ADAMTS17: variants seen among roughly 807,000 people sequenced by gnomAD.
ADAMTS17 encodes ADAM metallopeptidase with thrombospondin type 1 motif 17.
A neutral mutation model predicts 141.5 loss-of-function variants in ADAMTS17; 113 were observed. That is an observed-to-expected ratio of 0.80 (90% confidence interval 0.69 to 0.93). ADAMTS17 has a LOEUF of 0.93. ADAMTS17 is among the 40% of genes least tolerant of loss of function. ADAMTS17 has a pLI of 0.00. For missense variants in ADAMTS17, 1,659 were observed against 1,517.9 expected (o/e 1.09, Z -1.54); for synonymous variants, 768 against 630.6 (o/e 1.22, Z -3.27).
intron 7 of ADAMTS17, among the ~76,000 whole-genome samples, chr15:100,218,837 T>G (rs952672721): frequency 1.3e-5 from 2 of 152,122 alleles, no homozygotes; most frequent in African/African-American, 4.8e-5. Flanking sequence ...TACGCATCAC[T>G]GAAAGATAAG....
intron 15 of ADAMTS17, among the ~76,000 whole-genome samples, chr15:100,054,361 G>A (rs958916665): frequency 2.6e-5 from 4 of 152,228 alleles, no homozygotes; most frequent in African/African-American, 9.6e-5. Context: ...TGGAGGGGCA[G>A]GGAATGGAGA....
intron 7 of ADAMTS17, among the ~76,000 whole-genome samples, chr15:100,230,630 A>G (rs973462916): frequency 2.0e-5 from 3 of 152,216 alleles, no homozygotes; most frequent in African/African-American, 7.2e-5. Context: ...CTGGGTTGAG[A>G]TGGGAGTGAC....
chr15:100,295,213 T>C (rs1038490741), intron 3 of ADAMTS17, among the ~76,000 whole-genome samples: 3 of 152,196 alleles, frequency 2.0e-5, no homozygotes, highest in Admixed American at 6.5e-5. Flanking sequence ...CCTTGAAGTT[T>C]TACTGAACAG....
At position 99,997,196 on chromosome 15, in the gene ADAMTS17, G is replaced by A. The variant is rs1208720870; in HGVS notation, c.2796+189C>T. ...TGGTGTTGACATGTACATCATCAGA[G>A]ACATGGTATCTATGTTTCCGCAGCC... On this transcript the variant is annotated intron_variant, in intron 19 of 21. Transcript: ENST00000268070. This position sits in a 1 kb window ranked among gnomAD's most constrained non-coding sequence, Gnocchi z 4.7. Among the ~76,000 whole-genome samples, 1 of 152,252 alleles carries A rather than the reference G, an allele frequency of 6.6e-6. No individual in the cohort carries two copies. The highest frequency in any genetic ancestry group is 2.4e-5 in the African/African-American group (1 of 41,468).
At chr15:100,177,459 CT>C (rs1201000968) in intron 8 of ADAMTS17, among the ~76,000 whole-genome samples, 2 of 152,062 alleles carry the variant, frequency 1.3e-5, no homozygotes, top group African/African-American at 4.8e-5. Context: ...TTCCTGTTGT[CT>C]TTTTGTTATT....
intron 15 of ADAMTS17, among the ~76,000 whole-genome samples, chr15:100,094,274 A>G (rs1319834055): frequency 6.6e-6 from 1 of 152,256 alleles, no homozygotes; most frequent in Non-Finnish European, 1.5e-5. Context: ...CAGCTACCCA[A>G]GGAGGCTTCC....
At chr15:100,095,601 G>A (rs1211589951) in intron 15 of ADAMTS17, among the ~76,000 whole-genome samples, 1 of 152,162 alleles carries the variant, frequency 6.6e-6, no homozygotes, top group African/African-American at 2.4e-5. Flanking sequence ...GGGGGTGAGT[G>A]CACACTCGCT....
chr15:100,023,803 T>C (rs1168006444), intron 18 of ADAMTS17, among the ~76,000 whole-genome samples: 2 of 152,246 alleles, frequency 1.3e-5, no homozygotes, highest in Non-Finnish European at 2.9e-5. Context: ...AAATGATCTT[T>C]GCGCTGATCT....
intron 12 of ADAMTS17, among the ~76,000 whole-genome samples, chr15:100,120,139 T>A (rs1001225243): frequency 2.0e-5 from 3 of 152,204 alleles, no homozygotes; most frequent in African/African-American, 7.2e-5. Context: ...GGAAGAGAGC[T>A]GAGGAGGAAG....
Position 100,050,215 on chromosome 15 carries a change from G to C in ADAMTS17, c.2456-1223C>G, listed in dbSNP as rs190177237. Among the ~76,000 whole-genome samples, 376 of 152,328 alleles carry C rather than the reference G, an allele frequency of 2.5e-3. 5 individuals carry two copies. The highest frequency in any genetic ancestry group is 1.2e-3 in the Non-Finnish European group (82 of 68,030). ...TGTGTTAGGAAGCTGGAAGTCATCA[G>C]TGTCATAAAAGGATTGCCACCAAGC... On this transcript the variant is annotated intron_variant, in intron 17 of 21. Coordinates refer to ENST00000268070, the MANE Select transcript of ADAMTS17 (RefSeq NM_139057.4).
intron 10 of ADAMTS17, among the ~76,000 whole-genome samples, chr15:100,136,473 G>A (rs1346356593): frequency 6.6e-6 from 1 of 152,170 alleles, no homozygotes; most frequent in Non-Finnish European, 1.5e-5. Context: ...CTACACGAAT[G>A]CTTGTCATCA....
chr15:100,291,594 A>G lies in ADAMTS17; in HGVS notation c.617-10193T>C, dbSNP rs187161767. Among the ~76,000 whole-genome samples the G allele has an allele frequency of 2.0e-4, 31 of 152,314 alleles. No homozygotes were observed. The East Asian group carries it at 5.8e-3, about 28-fold the overall frequency. ...TAGCAAAAACCTGGAATCAATCTAG[A>G]TGCCTATCAATGGTAGACTGGTAAA... On this transcript the variant is annotated intron_variant, in intron 3 of 21. Coordinates refer to ENST00000268070, the MANE Select transcript of ADAMTS17 (RefSeq NM_139057.4).
intron 15 of ADAMTS17, among the ~76,000 whole-genome samples, chr15:100,059,756 G>A (rs1396427238): frequency 2.0e-4 from 30 of 152,194 alleles, no homozygotes; most frequent in Admixed American, 2.0e-3. Flanking sequence ...TTGCTCTCCT[G>A]CCTTGCGTTA....
intron 15 of ADAMTS17, among the ~76,000 whole-genome samples, chr15:100,058,185 C>T: frequency 2.1e-5 from 1 of 48,378 alleles, no homozygotes; most frequent in East Asian, 2.5e-4. Flanking sequence ...CCGGCTCTAA[C>T]ACCCCTATCC....
At chr15:100,215,507 G>C (rs557650137) in intron 7 of ADAMTS17, among the ~76,000 whole-genome samples, 55 of 152,214 alleles carry the variant, frequency 3.6e-4, no homozygotes, top group African/African-American at 1.2e-3. Flanking sequence ...ACTCCACGTG[G>C]AGTCTTTGCA....
intron 15 of ADAMTS17, among the ~76,000 whole-genome samples, chr15:100,058,665 G>GGCAGCA (rs141235182): frequency 3.3e-5 from 5 of 152,176 alleles, no homozygotes; most frequent in Admixed American, 6.5e-5. Flanking sequence ...GACACTGGGC[G>GGCAGCA]GCAGCAGCAG....
rs942659315 is a variant in ADAMTS17 at position 100,000,312 on chromosome 15, G to A, written c.2592-2723C>T. On this transcript the variant is annotated intron_variant, in intron 18 of 21. Transcript: ENST00000268070. ...CCAGAGGCCTTCTTAAATATGTGAA[G>A]ACAGTTCTTTTGTTCCCCTTTAAGT... is the stretch of plus-strand genomic sequence containing the variant. 2.6e-5 allele frequency among the ~76,000 whole-genome samples: 4 copies of A among 152,166 alleles called. 1 individual carries two copies. The South Asian group carries it at 6.2e-4, about 24-fold the overall frequency.
chr15:99,974,321 G>A lies in ADAMTS17; in HGVS notation c.*81C>T, dbSNP rs994687503. The A allele has an allele frequency of 2.0e-5, 32 of 1,591,176 alleles. No individual in the cohort carries two copies. Among genetic ancestry groups the A allele is most frequent in the East Asian group, 6.7e-5 (3 of 44,792 alleles). ...ATTCTTGTGGCAGCCGGGTGGGGGC[G>A]TGGCCACAAGGCTGGTAGGCTTGCG... On this transcript the variant is annotated 3_prime_UTR_variant, in exon 22 of 22. Transcript: ENST00000268070.
chr15:100,181,016 C>A (rs1260913018), intron 8 of ADAMTS17, among the ~76,000 whole-genome samples: 1 of 152,198 alleles, frequency 6.6e-6, no homozygotes, highest in Admixed American at 6.5e-5. Flanking sequence ...GCTAAGCTGA[C>A]ACTCAAACTA....
Sources: allele counts gnomAD v4.1 joint callset (sites outside exome capture counted in the v4.1 genomes callset), GRCh38; gene constraint gnomAD v4.1.1; non-coding constraint Gnocchi (gnomAD v3.1); transcripts MANE v1.5; gene names NCBI Gene and HGNC (gene_info 2026-07-23, HGNC 2026-07-21).